ELF4: variants seen among roughly 807,000 people sequenced by gnomAD.
ELF4 encodes the protein E74 like ETS transcription factor 4, also known as ETS-related transcription factor Elf-4.
A neutral mutation model predicts 31.7 loss-of-function variants in ELF4; 10 were observed. The ratio of observed to expected loss-of-function variants is 0.32; its 90% confidence interval spans 0.19 to 0.54. ELF4 has a LOEUF of 0.54. Among genes scored for constraint, ELF4 ranks in the 20% least tolerant of loss-of-function variants. The probability of loss-of-function intolerance (pLI) is 0.95; values close to 1 mark genes in which losing one functional copy is unlikely to be tolerated. For missense variants in ELF4, 418 were observed against 522.0 expected (o/e 0.80, Z 1.94); for synonymous variants, 208 against 226.7 (o/e 0.92, Z 0.74).
chrX:130,102,922 G>GAAAGAAAGAAAGAA (rs1193173312), intron 1 of ELF4, among the ~76,000 whole-genome samples: 1 of 95,093 alleles, frequency 1.1e-5, no homozygotes, highest in African/African-American at 4.7e-5. Context: ...AAGAAAGAAA[G>GAAAGAAAGAAAGAA]AGAGAGAAGG....
In ELF4 at chrX:130,066,723, A is replaced by T. The variant is rs755021463; in HGVS notation, c.1990T>A (p.Ter664LysextTer8). Reference protein sequence around the residue: ...SLIKMEPHDI* With the variant: ...SLIKMEPHDIK ...CACACTTGCCCTGACCCCTTTGCTT[A>T]TATGTCATGGGGCTCCATCTTAATG... Residue 664 changes from the stop codon to lysine, a stop_lost, in exon 9 of 9, where the codon TAA becomes AAA. Transcript: ENST00000308167. 1.7e-6 allele frequency: 2 copies of T among 1,209,876 alleles called. No homozygotes were observed. The highest frequency in any genetic ancestry group is 2.2e-6 in the Non-Finnish European group (2 of 895,052).
chrX:130,077,857 G>C (rs1405713840), intron 2 of ELF4, among the ~76,000 whole-genome samples: 2 of 111,874 alleles, frequency 1.8e-5, no homozygotes, highest in Non-Finnish European at 3.8e-5. Context: ...GAGGTTTCTA[G>C]GAGACTGGTA....
intron 1 of ELF4, among the ~76,000 whole-genome samples, chrX:130,100,319 C>A (rs1460904586): frequency 8.9e-6 from 1 of 111,821 alleles, no homozygotes; most frequent in Non-Finnish European, 1.9e-5. Flanking sequence ...CACACATTGA[C>A]ATCGATGGCT....
At chrX:130,105,298 A>G (rs1413882130) in intron 1 of ELF4, among the ~76,000 whole-genome samples, 1 of 112,007 alleles carries the variant, frequency 8.9e-6, no homozygotes, top group Non-Finnish European at 1.9e-5. Flanking sequence ...ACCTTCCTGC[A>G]TGAAACACCC....
At chrX:130,082,787 C>T (rs1033359366) in intron 1 of ELF4, among the ~76,000 whole-genome samples, 9 of 111,016 alleles carry the variant, frequency 8.1e-5, no homozygotes, top group African/African-American at 2.3e-4. Context: ...CACTTCCAGG[C>T]GCCACGTCTT....
intron 1 of ELF4, among the ~76,000 whole-genome samples, chrX:130,099,294 C>A (rs1368070286): frequency 8.9e-6 from 1 of 112,153 alleles, no homozygotes; most frequent in Admixed American, 9.4e-5. Flanking sequence ...TTCAGGCCAG[C>A]CAGGCGCAGG....
chrX:130,101,986 T>A (rs1043209132), intron 1 of ELF4, among the ~76,000 whole-genome samples: 6 of 108,339 alleles, frequency 5.5e-5, no homozygotes, highest in Non-Finnish European at 9.6e-5. Flanking sequence ...AAAATATATT[T>A]AAAAAAAAAT....
intron 1 of ELF4, among the ~76,000 whole-genome samples, chrX:130,091,433 A>T (rs1274255997): frequency 9.0e-6 from 1 of 111,677 alleles, no homozygotes; most frequent in South Asian, 3.7e-4. Flanking sequence ...ATCTCAAAAA[A>T]ATATATATTT....
intron 1 of ELF4, among the ~76,000 whole-genome samples, chrX:130,089,382 G>A (rs778663363): frequency 2.8e-5 from 3 of 106,063 alleles, no homozygotes; most frequent in Non-Finnish European, 5.8e-5. Flanking sequence ...GGTGGCACAC[G>A]CCTGTAGTCC....
chrX:130,070,787 A>AAAAGAAAGAAAG (rs3077208), intron 7 of ELF4, among the ~76,000 whole-genome samples: 10 of 92,738 alleles, frequency 1.1e-4, no homozygotes, highest in East Asian at 1.1e-3. Flanking sequence ...AAAAAAAAAA[A>AAAAGAAAGAAAG]AAAGAAAGAA....
At chrX:130,110,066 G>A (rs1933449560) in intron 1 of ELF4, among the ~76,000 whole-genome samples, 1 of 111,828 alleles carries the variant, frequency 8.9e-6, no homozygotes, top group Admixed American at 9.3e-5. Flanking sequence ...CAGGCTGCCG[G>A]GGGCGAGGGA....
At chrX:130,078,949 A>G (rs1366201520) in intron 2 of ELF4, among the ~76,000 whole-genome samples, 2 of 110,511 alleles carry the variant, frequency 1.8e-5, no homozygotes, top group Non-Finnish European at 3.8e-5. Context: ...ACAGAGTGAG[A>G]CCCTGTCAAA....
chrX:130,084,383 G>A (rs1158995233), intron 1 of ELF4, among the ~76,000 whole-genome samples: 3 of 112,707 alleles, frequency 2.7e-5, no homozygotes, highest in Non-Finnish European at 5.6e-5. Context: ...CCATGTGCCA[G>A]GGAGCTGGTG....
intron 1 of ELF4, among the ~76,000 whole-genome samples, chrX:130,099,927 G>T (rs941576035): frequency 9.0e-6 from 1 of 111,621 alleles, no homozygotes; most frequent in African/African-American, 3.3e-5. Context: ...ATGAGCCACC[G>T]CCTGCCTCTT....
intron 1 of ELF4, among the ~76,000 whole-genome samples, chrX:130,101,435 A>G (rs1229009195): frequency 8.9e-6 from 1 of 112,446 alleles, no homozygotes; most frequent in African/African-American, 3.2e-5. Flanking sequence ...AAGAATATCA[A>G]TTAAAAGATA....
intron 1 of ELF4, among the ~76,000 whole-genome samples, chrX:130,087,571 C>G (rs1932980531): frequency 8.9e-6 from 1 of 112,337 alleles, no homozygotes; most frequent in South Asian, 3.7e-4. Flanking sequence ...ACCTCCGCCT[C>G]CAGGGTGTGC....
At chrX:130,082,657 G>A (rs762039369) in intron 1 of ELF4, among the ~76,000 whole-genome samples, 5 of 111,127 alleles carry the variant, frequency 4.5e-5, no homozygotes, top group Admixed American at 3.8e-4. Context: ...GTCAGTGCCC[G>A]GGCGCCTCAT....
intron 1 of ELF4, among the ~76,000 whole-genome samples, chrX:130,092,216 G>A (rs1187978445): frequency 8.9e-6 from 1 of 112,987 alleles, no homozygotes; most frequent in Non-Finnish European, 1.9e-5. Flanking sequence ...TAGGAGATAG[G>A]GCCAGCTCTC....
At chrX:130,094,437 G>T (rs11796808) in intron 1 of ELF4, among the ~76,000 whole-genome samples, 10,331 of 102,996 alleles carry the variant, frequency 0.1, 471 homozygotes, top group East Asian at 0.21. Context: ...CATGGTGGCG[G>T]GCGCCTATAA....
Sources: gnomAD v4.1 joint callset for allele counts (sites outside exome capture counted in the v4.1 genomes callset) on GRCh38, gnomAD v4.1.1 for gene constraint, MANE v1.5 for transcripts, NCBI Gene and HGNC (gene_info 2026-07-23, HGNC 2026-07-21) for gene names.